Variants in CALCR observed in about 807,000 individuals in gnomAD.
CALCR encodes the protein calcitonin receptor.
In CALCR, 47 loss-of-function variants were observed where a neutral mutation model predicts 59.5. The ratio of observed to expected loss-of-function variants is 0.79; its 90% CI spans 0.63 to 1.01. The LOEUF (loss-of-function observed/expected upper bound fraction) is 1.01, where lower values mean the gene tolerates loss of function less well. CALCR is among the 50% of genes least tolerant of loss of function. CALCR has a pLI of 0.00. For missense variants in CALCR, 566 were observed against 597.1 expected, an observed-to-expected ratio of 0.95 and a Z score of 0.54; for synonymous variants, 213 against 211.3, an observed-to-expected ratio of 1.01 and a Z score of -0.07.
At chr7:93,445,110 T>G (rs1291492361) in intron 8 of CALCR, among the ~76,000 whole-genome samples, 2 of 152,094 alleles carry the variant, frequency 1.3e-5, no homozygotes, top group East Asian at 3.9e-4. Flanking sequence ...AACCTCTGAT[T>G]CTGACCAAAG....
intron 2 of CALCR, among the ~76,000 whole-genome samples, chr7:93,491,237 A>C (rs1490824760): frequency 6.6e-6 from 1 of 152,130 alleles, no homozygotes; most frequent in East Asian, 1.9e-4. Context: ...TCTTCCTTAC[A>C]CCTTATACAA....
chr7:93,525,850 G>A (rs1801867149), intron 2 of CALCR, among the ~76,000 whole-genome samples: 1 of 152,118 alleles, frequency 6.6e-6, no homozygotes. Flanking sequence ...AAAAGTGACT[G>A]ATTTTGGAAA....
chr7:93,499,049 T>C lies in CALCR; in HGVS notation c.-26-12042A>G, dbSNP rs142912812. ...TTACTATATCTTTCTGGGCATGCATTTCATTACTTATAAAATTAGACAACT... is the reference window on the plus strand; with the variant it reads ...TTACTATATCTTTCTGGGCATGCATCTCATTACTTATAAAATTAGACAACT... On this transcript the variant is annotated intron_variant, in intron 2 of 13. Transcript: ENST00000426151. Among the ~76,000 whole-genome samples the C allele has an allele frequency of 2.1e-3, 325 of 151,784 alleles. 1 individual carries two copies. Among genetic ancestry groups the C allele is most frequent in the Non-Finnish European group, 3.7e-3 (251 of 67,736 alleles).
At chr7:93,546,440 C>T (rs146258124) in intron 2 of CALCR, among the ~76,000 whole-genome samples, 3 of 152,250 alleles carry the variant, frequency 2.0e-5, no homozygotes, top group African/African-American at 7.2e-5. Context: ...GTATTTAAAG[C>T]CACACAGTTT....
chr7:93,454,838 C>G (rs1457296983), intron 8 of CALCR, among the ~76,000 whole-genome samples: 3 of 151,154 alleles, frequency 2.0e-5, no homozygotes, highest in Non-Finnish European at 4.4e-5. Context: ...CAAAAACTAC[C>G]CAGGGAAGAA....
At chr7:93,529,950 C>G (rs1327619090) in intron 2 of CALCR, among the ~76,000 whole-genome samples, 1 of 152,110 alleles carries the variant, frequency 6.6e-6, no homozygotes, top group Non-Finnish European at 1.5e-5. Flanking sequence ...TTCTACATTT[C>G]TATATGTAAA....
At position 93,507,493 on chromosome 7, in the gene CALCR, G is replaced by C. The variant is rs1020691117; in HGVS notation, c.-26-20486C>G. Reference sequence around the variant, plus strand: ...AGTGTAGGGTTTTCGAGACAGCCTAGATGTTGAATCAGGTGCCAAGGAAAG... The same window carrying C: ...AGTGTAGGGTTTTCGAGACAGCCTACATGTTGAATCAGGTGCCAAGGAAAG... On this transcript the variant is annotated intron_variant, in intron 2 of 13. Coordinates refer to ENST00000426151, the MANE Select transcript of CALCR (RefSeq NM_001742.4). Among the ~76,000 whole-genome samples the C allele has an allele frequency of 3.3e-5, 5 of 151,862 alleles. 1 individual carries two copies. The highest frequency in any genetic ancestry group is 1.2e-4 in the African/African-American group (5 of 41,318).
chr7:93,524,889 G>A (rs890836537), intron 2 of CALCR, among the ~76,000 whole-genome samples: 3 of 151,732 alleles, frequency 2.0e-5, no homozygotes, highest in African/African-American at 7.3e-5. Context: ...AAGTTTTTAG[G>A]GCAAGTCACA....
intron 8 of CALCR, among the ~76,000 whole-genome samples, chr7:93,454,210 C>G (rs928308972): frequency 6.6e-6 from 1 of 151,974 alleles, no homozygotes. Context: ...TTTGTCTTCT[C>G]TAGTGTCTTG....
Position 93,426,332 on chromosome 7 carries a change from C to G in CALCR, c.*24G>C, listed in dbSNP as rs1799524407. The G allele has an allele frequency of 7.6e-7, 1 of 1,313,282 alleles. No individual in the cohort carries two copies. The highest frequency in any genetic ancestry group is 2.3e-5 in the East Asian group (1 of 43,112). 81.4% of individuals were successfully genotyped at this position (1,313,282 alleles called of 1,614,324 possible). Reference sequence around the variant, plus strand: ...TCCCAGGAAATGATGGCTCAGTGATCACGATGCTGTGTTTGCTTCACATTC... The same window carrying G: ...TCCCAGGAAATGATGGCTCAGTGATGACGATGCTGTGTTTGCTTCACATTC... On this transcript the variant is annotated 3_prime_UTR_variant, in exon 14 of 14. Coordinates refer to ENST00000426151, the MANE Select transcript of CALCR (RefSeq NM_001742.4).
intron 2 of CALCR, among the ~76,000 whole-genome samples, chr7:93,487,771 T>C (rs1325552800): frequency 1.3e-5 from 2 of 151,422 alleles, no homozygotes; most frequent in African/African-American, 2.4e-5. Flanking sequence ...TGAGTGGTTA[T>C]GACTGTATCT....
chr7:93,445,399 A>C (rs1421615928), intron 8 of CALCR, among the ~76,000 whole-genome samples: 2 of 152,080 alleles, frequency 1.3e-5, no homozygotes, highest in African/African-American at 4.8e-5. Context: ...GAAATTAAGC[A>C]TATGTTTTGG....
At chr7:93,428,597 G>A (rs937693537) in intron 13 of CALCR, among the ~76,000 whole-genome samples, 3 of 152,046 alleles carry the variant, frequency 2.0e-5, no homozygotes, top group Admixed American at 6.5e-5. Flanking sequence ...TCAGGAGATC[G>A]AGACCATCCT....
intron 13 of CALCR, among the ~76,000 whole-genome samples, chr7:93,432,503 T>C (rs1299733746): frequency 1.3e-5 from 2 of 152,222 alleles, no homozygotes; most frequent in Non-Finnish European, 2.9e-5. Context: ...TGTCACACTT[T>C]TACCTTCCCC....
intron 7 of CALCR, among the ~76,000 whole-genome samples, chr7:93,467,782 AC>A (rs1332139123): frequency 6.6e-6 from 1 of 151,596 alleles, no homozygotes; most frequent in African/African-American, 2.4e-5. Flanking sequence ...CTGTGATACC[AC>A]CATGACTATT....
intron 2 of CALCR, among the ~76,000 whole-genome samples, chr7:93,544,460 T>C (rs1470288678): frequency 6.6e-6 from 1 of 152,200 alleles, no homozygotes; most frequent in Non-Finnish European, 1.5e-5. Context: ...TTGCATATTT[T>C]CATATTAGTT....
chr7:93,496,168 T>C (rs533663105), intron 2 of CALCR, among the ~76,000 whole-genome samples: 1 of 151,596 alleles, frequency 6.6e-6, no homozygotes, highest in East Asian at 1.9e-4. Flanking sequence ...GCATGTTCCA[T>C]AGAAGAGCAG....
intron 2 of CALCR, among the ~76,000 whole-genome samples, chr7:93,550,208 G>C (rs1335414918): frequency 2.6e-5 from 4 of 151,960 alleles, no homozygotes; most frequent in African/African-American, 9.7e-5. Context: ...TGTCAATTTA[G>C]GCCAGGTGTG....
At chr7:93,461,967 T>A in intron 7 of CALCR, 1 of 770,626 alleles carries the variant, frequency 1.3e-6, no homozygotes, top group East Asian at 2.7e-5. Context: ...TAACTATTCC[T>A]AAAAATATCT....
Sources: gnomAD v4.1 joint callset for allele counts (sites outside exome capture counted in the v4.1 genomes callset) on GRCh38, gnomAD v4.1.1 for gene constraint, MANE v1.5 for transcripts, NCBI Gene and HGNC (gene_info 2026-07-23, HGNC 2026-07-21) for gene names.